KCNH1: variants seen among roughly 807,000 people sequenced by gnomAD.
The protein encoded by KCNH1 is potassium voltage-gated channel subfamily H member 1.
A neutral mutation model predicts 69.2 loss-of-function variants in KCNH1; 27 were observed. The observed-to-expected ratio is 0.39, with a 90% CI of 0.29 to 0.54. The LOEUF (loss-of-function observed/expected upper bound fraction) is 0.54, where lower values mean the gene tolerates loss of function less well. KCNH1 is among the 20% of genes least tolerant of loss of function. KCNH1 has a pLI of 0.68. For synonymous variants in KCNH1, 456 were observed against 487.7 expected (o/e 0.93, Z 0.86); for missense variants, 798 against 1,261.6 (o/e 0.63, Z 5.57).
intron 10 of KCNH1, among the ~76,000 whole-genome samples, chr1:210,754,987 T>A (rs1683365686): frequency 6.6e-6 from 1 of 152,132 alleles, no homozygotes; most frequent in African/African-American, 2.4e-5. Context: ...GGAGCATGCA[T>A]GCACATGTAC....
intron 9 of KCNH1, among the ~76,000 whole-genome samples, chr1:210,788,683 T>C (rs1186516317): frequency 7.8e-6 from 1 of 128,496 alleles, no homozygotes. Context: ...TATAGCTTCT[T>C]TCTTTTTTTT....
At chr1:211,105,649 C>G (rs1691337081) in intron 2 of KCNH1, among the ~76,000 whole-genome samples, 1 of 152,152 alleles carries the variant, frequency 6.6e-6, no homozygotes, top group Admixed American at 6.5e-5. Context: ...GTTATTTTAT[C>G]TGATTTCCTT....
chr1:210,885,918 C>T (rs1053181466), intron 7 of KCNH1, among the ~76,000 whole-genome samples: 1 of 152,214 alleles, frequency 6.6e-6, no homozygotes, highest in Non-Finnish European at 1.5e-5. Flanking sequence ...ATAAAACTCC[C>T]ATATCCCTGG....
intron 7 of KCNH1, among the ~76,000 whole-genome samples, chr1:210,874,498 G>A (rs995927370): frequency 6.6e-6 from 1 of 152,076 alleles, no homozygotes; most frequent in Non-Finnish European, 1.5e-5. Context: ...TCTCTCAAAG[G>A]TCTCATGGAA....
chr1:210,889,503 G>A (rs1054401183), intron 7 of KCNH1, among the ~76,000 whole-genome samples: 1 of 152,186 alleles, frequency 6.6e-6, no homozygotes, highest in African/African-American at 2.4e-5. Flanking sequence ...ACAGAACAGG[G>A]ATGCCCTCTC....
At chr1:210,788,042 C>G (rs901334705) in intron 9 of KCNH1, among the ~76,000 whole-genome samples, 2 of 152,222 alleles carry the variant, frequency 1.3e-5, no homozygotes, top group African/African-American at 4.8e-5. Context: ...TTAGCCAAAT[C>G]TCTCCACCAA....
intron 10 of KCNH1, among the ~76,000 whole-genome samples, chr1:210,740,725 TTTTTTTTA>T (rs1683007955): frequency 7.0e-6 from 1 of 143,106 alleles, no homozygotes; most frequent in Non-Finnish European, 1.5e-5. Flanking sequence ...TTTTTTTTTT[TTTTTTTTA>T]CTAAAAGAAA....
rs1274653357 is a variant in KCNH1 at position 210,956,930 on chromosome 1, CT to C, written c.1033-36862del. Among the ~76,000 whole-genome samples, 25 of 152,162 alleles carry C rather than the reference CT, an allele frequency of 1.6e-4. No individual in the cohort carries two copies. In the South Asian group the frequency reaches 5.0e-3, roughly 30 times the overall value. On this transcript the variant is annotated intron_variant, in intron 6 of 10. Transcript: ENST00000271751. The stretch of plus-strand genomic sequence containing the variant: ...CTATCTCCTTCAATTCCACTCAGAT[CT>C]TAGTTATTTCTTGCCTTCTGCTAAC...
chr1:210,716,279 A>G (rs1380676874), intron 10 of KCNH1, among the ~76,000 whole-genome samples: 1 of 151,922 alleles, frequency 6.6e-6, no homozygotes, highest in Non-Finnish European at 1.5e-5. Context: ...TAAAAATACA[A>G]AAATTAGCTG....
At chr1:210,968,949 C>T (rs929049320) in intron 6 of KCNH1, among the ~76,000 whole-genome samples, 3 of 152,010 alleles carry the variant, frequency 2.0e-5, no homozygotes, top group African/African-American at 7.2e-5. Context: ...TTAAGGACAT[C>T]CCTTTTTATT....
rs1558477727 is a variant in KCNH1 at position 210,806,820 on chromosome 1, A to ATATATAT, written c.1463-2655_1463-2654insATATATA. On this transcript the variant is annotated intron_variant, in intron 7 of 10. Coordinates refer to ENST00000271751, the MANE Select transcript of KCNH1 (RefSeq NM_172362.3). ...CCCCATCTCTACCAAAAAAAAAAAA[A>ATATATAT]AAAAAAAAAAAAAAAAATATATATA... Among the ~76,000 whole-genome samples, 7 of 23,698 alleles carry ATATATAT rather than the reference A, an allele frequency of 3.0e-4. 1 individual carries two copies. The South Asian group carries it at 0.013, about 43-fold the overall frequency. 15.5% of individuals were successfully genotyped at this position (23,698 alleles called of 152,430 possible). A position where few individuals can be genotyped will look rare whatever the true frequency, so the allele number is the denominator to read the frequency against.
rs533495578 is a variant in KCNH1, at chr1:210,682,983, TATC to T, written c.*295_*297del. On this transcript the variant is annotated 3_prime_UTR_variant, in exon 11 of 11. Coordinates refer to ENST00000271751, the MANE Select transcript of KCNH1 (RefSeq NM_172362.3). Reference sequence around the variant, plus strand: ...TCTGGTAGTTTTAATCTTTTACAAATATCATGGTAGTAAAAAATTAAAAATGAA... The same window carrying T: ...TCTGGTAGTTTTAATCTTTTACAAATATGGTAGTAAAAAATTAAAAATGAA... The T allele has an allele frequency of 4.7e-4, 168 of 353,702 alleles. No homozygotes were observed. The highest frequency in any genetic ancestry group is 3.3e-3 in the African/African-American group (157 of 48,002). The allele number at this position is 353,702 out of a possible 1,614,324, so 21.9% of individuals were successfully genotyped here.
At chr1:210,788,014 C>T (rs1272716358) in intron 9 of KCNH1, among the ~76,000 whole-genome samples, 7 of 152,126 alleles carry the variant, frequency 4.6e-5, no homozygotes, top group African/African-American at 1.7e-4. Context: ...TTCATTACTG[C>T]AATTAGATAA....
intron 1 of KCNH1, among the ~76,000 whole-genome samples, chr1:211,128,929 A>G (rs796570908): frequency 4.9e-4 from 75 of 152,338 alleles, no homozygotes; most frequent in African/African-American, 1.7e-3. Context: ...AAGGCGGCAA[A>G]AGAAACACAA....
intron 6 of KCNH1, among the ~76,000 whole-genome samples, chr1:211,005,088 G>C (rs1184644378): frequency 2.0e-5 from 3 of 151,950 alleles, no homozygotes; most frequent in Non-Finnish European, 2.9e-5. Flanking sequence ...ATGAAAAAAA[G>C]AAAACAGCAT....
intron 6 of KCNH1, among the ~76,000 whole-genome samples, chr1:210,962,344 T>A (rs1446985482): frequency 6.6e-6 from 1 of 152,226 alleles, no homozygotes; most frequent in African/African-American, 2.4e-5. Context: ...ATTTTTTTCA[T>A]TGCTTCAGGA....
chr1:211,011,096 A>G (rs545739914), intron 6 of KCNH1, among the ~76,000 whole-genome samples: 2 of 152,202 alleles, frequency 1.3e-5, no homozygotes, highest in African/African-American at 4.8e-5. Context: ...CATCATCTAC[A>G]TTAGGTATTT....
intron 7 of KCNH1, among the ~76,000 whole-genome samples, chr1:210,909,752 C>T (rs1002741134): frequency 5.3e-5 from 8 of 152,190 alleles, no homozygotes; most frequent in African/African-American, 1.9e-4. Context: ...TTTCATAAAT[C>T]GTCCTTGCTG....
chr1:210,995,557 G>T (rs1005789316), intron 6 of KCNH1, among the ~76,000 whole-genome samples: 1 of 152,200 alleles, frequency 6.6e-6, no homozygotes, highest in Non-Finnish European at 1.5e-5. Context: ...CAGAAAGGCT[G>T]CAGAATTCAG....
Sources: gnomAD v4.1 joint callset for allele counts (sites outside exome capture counted in the v4.1 genomes callset) on GRCh38, gnomAD v4.1.1 for gene constraint, MANE v1.5 for transcripts, NCBI Gene and HGNC (gene_info 2026-07-23, HGNC 2026-07-21) for gene names.